Variants in NEMP2 observed in about 807,000 individuals in gnomAD.
The protein encoded by NEMP2 is nuclear envelope integral membrane protein 2, also known as UPF0571 transmembrane protein.
Under a neutral mutation model 54.2 loss-of-function variants are expected in NEMP2, and 53 were observed. That is an observed-to-expected ratio of 0.98 (90% confidence interval 0.78 to 1.23). The LOEUF (loss-of-function observed/expected upper bound fraction) is 1.23. NEMP2 is among the 50% of genes most tolerant of loss of function. NEMP2 has a pLI of 0.00. For synonymous variants in NEMP2, 197 were observed against 190.3 expected (o/e 1.04, Z -0.29); for missense variants, 455 against 511.3 (o/e 0.89, Z 1.06).
chr2:190,451,253 T>C, the NEMP2 span, among the ~76,000 whole-genome samples: 2 of 152,232 alleles, frequency 1.3e-5, no homozygotes, highest in Non-Finnish European at 2.9e-5. The surrounding 1 kb of genome is among the most constrained non-coding windows in gnomAD (Gnocchi z 5.0). Context: ...TTGTTAAGCC[T>C]CAGGTTCCTC....
At chr2:190,459,181 G>C in the NEMP2 span, among the ~76,000 whole-genome samples, 3 of 152,084 alleles carry the variant, frequency 2.0e-5, no homozygotes, top group African/African-American at 7.2e-5. This position sits in a 1 kb window ranked among gnomAD's most constrained non-coding sequence, Gnocchi z 5.3. Context: ...TTTCGTCAGT[G>C]ATCTCTTAAG....
At chr2:190,595,134 C>CA in the NEMP2 span, among the ~76,000 whole-genome samples, 20 of 152,160 alleles carry the variant, frequency 1.3e-4, no homozygotes, top group East Asian at 2.9e-3. This position sits in a 1 kb window ranked among gnomAD's most constrained non-coding sequence, Gnocchi z 4.0. Context: ...ACAAGCCTGA[C>CA]AAAAACAAGA....
chr2:190,550,625 T>C, the NEMP2 span, among the ~76,000 whole-genome samples: 6 of 152,220 alleles, frequency 3.9e-5, no homozygotes, highest in Non-Finnish European at 8.8e-5. This position sits in a 1 kb window ranked among gnomAD's most constrained non-coding sequence, Gnocchi z 4.7. Context: ...AAAGTACTTT[T>C]TTCATATCAT....
the NEMP2 span, among the ~76,000 whole-genome samples, chr2:190,499,267 T>C: frequency 6.6e-6 from 1 of 152,260 alleles, no homozygotes; most frequent in Non-Finnish European, 1.5e-5. The surrounding 1 kb of genome is among the most constrained non-coding windows in gnomAD (Gnocchi z 6.0). Flanking sequence ...TTTCTTTTTC[T>C]TTCATTGTAG....
the NEMP2 span, among the ~76,000 whole-genome samples, chr2:190,490,263 T>TAA: frequency 2.1e-5 from 3 of 144,048 alleles, no homozygotes; most frequent in African/African-American, 5.1e-5. The surrounding 1 kb of genome is among the most constrained non-coding windows in gnomAD (Gnocchi z 4.5). Flanking sequence ...CTTCATTTGT[T>TAA]AAAAAAAAAA....
chr2:190,564,513 C>T, the NEMP2 span, among the ~76,000 whole-genome samples: 1 of 152,202 alleles, frequency 6.6e-6, no homozygotes, highest in Non-Finnish European at 1.5e-5. The surrounding 1 kb of genome is among the most constrained non-coding windows in gnomAD (Gnocchi z 4.2). Context: ...GCTATGCCCT[C>T]TTATGTATTT....
chr2:190,551,604 A>G, the NEMP2 span, among the ~76,000 whole-genome samples: 1 of 152,086 alleles, frequency 6.6e-6, no homozygotes, highest in Admixed American at 6.5e-5. Context: ...GCTTCTTTTG[A>G]AATAGAAAGT....
At chr2:190,579,424 T>C in the NEMP2 span, among the ~76,000 whole-genome samples, 2 of 152,030 alleles carry the variant, frequency 1.3e-5, no homozygotes, top group Non-Finnish European at 2.9e-5. Flanking sequence ...TGACCAGTTG[T>C]AGGGTGTTTA....
In NEMP2 at chr2:190,533,592, C is replaced by T. The variant is rs1371537429; in HGVS notation, c.97+967G>A. Among the ~76,000 whole-genome samples the T allele has an allele frequency of 6.6e-6, 1 of 152,088 alleles. No homozygotes were observed. The highest frequency in any genetic ancestry group is 1.5e-5 in the Non-Finnish European group (1 of 68,008). Reference sequence around the variant, plus strand: ...AGCTGTGGCAGAATCTGATAATGACCTCATCAACATCCAGTCTCTCATTCA... The same window carrying T: ...AGCTGTGGCAGAATCTGATAATGACTTCATCAACATCCAGTCTCTCATTCA... On this transcript the variant is annotated intron_variant, in intron 1 of 8. Coordinates refer to ENST00000409150, the MANE Select transcript of NEMP2 (RefSeq NM_001142645.2). This position sits in a 1 kb window ranked among gnomAD's most constrained non-coding sequence, Gnocchi z 4.3.
At position 190,508,818 on chromosome 2, in the gene NEMP2, C is replaced by T. The variant is rs1690258498; in HGVS notation, c.*371G>A. On this transcript the variant is annotated 3_prime_UTR_variant, in exon 9 of 9. Transcript: ENST00000409150. This position sits in a 1 kb window ranked among gnomAD's most constrained non-coding sequence, Gnocchi z 4.3. ...AACTATAGGAAGAGTATTGCAGAGT[C>T]TTCTGACACAGGTTCAGGGGATTAA... 4.3e-6 allele frequency: 1 copy of T among 232,262 alleles called. No individual in the cohort carries two copies. Among genetic ancestry groups the T allele is most frequent in the African/African-American group, 2.3e-5 (1 of 43,898 alleles). 14.4% of individuals were successfully genotyped at this position (232,262 alleles called of 1,614,324 possible).
At position 190,528,391 on chromosome 2, in the gene NEMP2, G is replaced by A. The variant is rs1001204249; in HGVS notation, c.98-3013C>T. On this transcript the variant is annotated intron_variant, in intron 1 of 8. Transcript: ENST00000409150. The surrounding 1 kb of genome is among the most constrained non-coding windows in gnomAD (Gnocchi z 4.3). ...TGTTCTGCCTTTGCACAGCCTCCTC[G>A]GGGGGGTCTCTAAGCATGGCTAGAG... Among the ~76,000 whole-genome samples the A allele has an allele frequency of 1.3e-5, 2 of 152,050 alleles. No homozygotes were observed. Among genetic ancestry groups the A allele is most frequent in the African/African-American group, 2.4e-5 (1 of 41,382 alleles).
chr2:190,543,715 GA>G, the NEMP2 span, among the ~76,000 whole-genome samples: 16 of 152,168 alleles, frequency 1.1e-4, no homozygotes, highest in Admixed American at 4.6e-4. This position sits in a 1 kb window ranked among gnomAD's most constrained non-coding sequence, Gnocchi z 4.7. Flanking sequence ...GGTTTCTGTA[GA>G]AAAAAAGTGA....
At chr2:190,568,719 G>A in the NEMP2 span, among the ~76,000 whole-genome samples, 1 of 152,138 alleles carries the variant, frequency 6.6e-6, no homozygotes, top group Non-Finnish European at 1.5e-5. The surrounding 1 kb of genome is among the most constrained non-coding windows in gnomAD (Gnocchi z 4.7). Flanking sequence ...CTACTCTGGA[G>A]GCTGGGGCAG....
At chr2:190,495,162 C>T in the NEMP2 span, among the ~76,000 whole-genome samples, 8 of 152,084 alleles carry the variant, frequency 5.3e-5, no homozygotes, top group South Asian at 1.7e-3. This position sits in a 1 kb window ranked among gnomAD's most constrained non-coding sequence, Gnocchi z 4.7. Flanking sequence ...TTTCAGGATA[C>T]AAAATTAATG....
the NEMP2 span, among the ~76,000 whole-genome samples, chr2:190,594,181 T>C: frequency 1.3e-5 from 2 of 152,202 alleles, no homozygotes; most frequent in South Asian, 4.1e-4. The surrounding 1 kb of genome is among the most constrained non-coding windows in gnomAD (Gnocchi z 5.6). Flanking sequence ...GCTATCCCTT[T>C]TACTCGAGGT....
At chr2:190,603,879 C>A in the NEMP2 span, among the ~76,000 whole-genome samples, 1 of 151,974 alleles carries the variant, frequency 6.6e-6, no homozygotes, top group Admixed American at 6.5e-5. Context: ...ACTCTTTACA[C>A]CCCCCACCTT....
chr2:190,593,842 A>G, the NEMP2 span, among the ~76,000 whole-genome samples: 1 of 152,210 alleles, frequency 6.6e-6, no homozygotes, highest in Non-Finnish European at 1.5e-5. This position sits in a 1 kb window ranked among gnomAD's most constrained non-coding sequence, Gnocchi z 4.5. Context: ...TCCTTCTTAC[A>G]TGGTAGCTTC....
chr2:190,441,341 C>T, the NEMP2 span, among the ~76,000 whole-genome samples: 2 of 152,040 alleles, frequency 1.3e-5, no homozygotes. Context: ...AGACCAATTA[C>T]ATCAGTCTTT....
the NEMP2 span, chr2:190,648,521 T>G: frequency 6.7e-5 from 6 of 90,082 alleles, no homozygotes; most frequent in Non-Finnish European, 1.3e-4. Context: ...CTGTTGTTTT[T>G]TTTTTTTTTT....
Sources: gnomAD v4.1 joint callset for allele counts (sites outside exome capture counted in the v4.1 genomes callset) on GRCh38, gnomAD v4.1.1 for gene constraint, Gnocchi (gnomAD v3.1) non-coding constraint, MANE v1.5 for transcripts, NCBI Gene and HGNC (gene_info 2026-07-23, HGNC 2026-07-21) for gene names.